IL1RAPL1: variants seen among roughly 807,000 people sequenced by gnomAD.
The protein encoded by IL1RAPL1 is interleukin 1 receptor accessory protein like 1, also known as interleukin-1 receptor accessory protein-like 1.
Under a neutral mutation model 48.4 loss-of-function variants are expected in IL1RAPL1, and 3 were observed. The ratio of observed to expected loss-of-function variants is 0.06; its 90% confidence interval spans 0.03 to 0.16. IL1RAPL1 has a LOEUF of 0.16. IL1RAPL1 is among the 10% of genes least tolerant of loss of function. IL1RAPL1 has a pLI of 1.00. For synonymous variants in IL1RAPL1, 185 were observed against 187.7 expected, an observed-to-expected ratio of 0.99 and a Z score of 0.12; for missense variants, 349 against 530.6, an observed-to-expected ratio of 0.66 and a Z score of 3.36.
At chrX:28,973,645 A>C (rs957846048) in intron 2 of IL1RAPL1, among the ~76,000 whole-genome samples, 6 of 111,442 alleles carry the variant, frequency 5.4e-5, no homozygotes, top group African/African-American at 2.0e-4. Flanking sequence ...ACTTATGATA[A>C]CTCTGTGTTT....
chrX:29,738,942 A>G (rs1387569664), intron 6 of IL1RAPL1, among the ~76,000 whole-genome samples: 1 of 112,438 alleles, frequency 8.9e-6, no homozygotes, highest in East Asian at 2.8e-4. Context: ...TTTAGGGATA[A>G]TGTTTTGGAT....
chrX:28,974,635 C>T (rs1017270526), intron 2 of IL1RAPL1, among the ~76,000 whole-genome samples: 2 of 111,683 alleles, frequency 1.8e-5, no homozygotes, highest in African/African-American at 6.5e-5. Flanking sequence ...ATCCTTAGAG[C>T]AATCCCTGTG....
At chrX:29,115,278 G>A (rs1928656109) in intron 2 of IL1RAPL1, among the ~76,000 whole-genome samples, 1 of 111,338 alleles carries the variant, frequency 9.0e-6, no homozygotes, top group African/African-American at 3.3e-5. Context: ...GTACACATTT[G>A]GAAACGTGAT....
At chrX:29,903,183 T>TGTGTGTGAGAGAGA (rs1467570277) in intron 6 of IL1RAPL1, among the ~76,000 whole-genome samples, 1 of 93,016 alleles carries the variant, frequency 1.1e-5, no homozygotes. Context: ...TGTGTGTGTG[T>TGTGTGTGAGAGAGA]GAGAGAGAGA....
rs1216949819 is a variant in IL1RAPL1, at chrX:29,100,738, A to G, written c.83-182200A>G. On this transcript the variant is annotated intron_variant, in intron 2 of 10. Transcript: ENST00000378993. ...GCCTTCTCTACTTCAAATATCTATT[A>G]GCCTTCTGTACTTCAAATATCTCAT... 3.6e-5 allele frequency among the ~76,000 whole-genome samples: 4 copies of G among 111,780 alleles called. No individual in the cohort carries two copies. The Admixed American group carries it at 3.8e-4, about 11-fold the overall frequency.
At chrX:28,962,880 G>C (rs865870438) in intron 2 of IL1RAPL1, among the ~76,000 whole-genome samples, 1 of 92,812 alleles carries the variant, frequency 1.1e-5, no homozygotes, top group African/African-American at 4.7e-5. Context: ...GTGTCTGTGT[G>C]TATGTGTGTG....
intron 6 of IL1RAPL1, among the ~76,000 whole-genome samples, chrX:29,895,498 CGCACCACT>C (rs763378423): frequency 1.8e-5 from 2 of 112,413 alleles, no homozygotes; most frequent in African/African-American, 6.5e-5. Context: ...TGAGCAAGAT[CGCACCACT>C]GCACCACTGC....
intron 5 of IL1RAPL1, among the ~76,000 whole-genome samples, chrX:29,608,592 C>G (rs758399285): frequency 0.014 from 1,527 of 110,480 alleles, 35 homozygotes; most frequent in African/African-American, 0.048. Flanking sequence ...TTTGGGAGGC[C>G]AAGGTGGGCG....
chrX:29,411,751 C>T (rs1934146760), intron 5 of IL1RAPL1, among the ~76,000 whole-genome samples: 1 of 105,501 alleles, frequency 9.5e-6, no homozygotes, highest in South Asian at 4.1e-4. Context: ...GTACTGTACA[C>T]AATTATTTAT....
intron 6 of IL1RAPL1, among the ~76,000 whole-genome samples, chrX:29,732,839 A>C (rs1258193586): frequency 8.9e-6 from 1 of 112,103 alleles, no homozygotes; most frequent in Non-Finnish European, 1.9e-5. Flanking sequence ...TCCCTTTTGC[A>C]ATGGTTGCCA....
chrX:29,682,464 C>A (rs868605154), intron 6 of IL1RAPL1, among the ~76,000 whole-genome samples: 1 of 111,222 alleles, frequency 9.0e-6, no homozygotes, highest in Non-Finnish European at 1.9e-5. Flanking sequence ...TCAATGTCAC[C>A]CCAATGAACT....
chrX:29,835,357 C>T (rs1391758336), intron 6 of IL1RAPL1, among the ~76,000 whole-genome samples: 1 of 111,719 alleles, frequency 9.0e-6, no homozygotes, highest in African/African-American at 3.3e-5. Context: ...GGGATGAATC[C>T]CACTTGATCA....
chrX:28,732,393 T>C (rs56368435), intron 1 of IL1RAPL1, among the ~76,000 whole-genome samples: 4,476 of 111,323 alleles, frequency 0.04, 217 homozygotes, highest in African/African-American at 0.14. Flanking sequence ...TCTGAAAGAG[T>C]TGGAATTTTG....
chrX:28,836,336 TTATATATA>T (rs34343530), intron 2 of IL1RAPL1, among the ~76,000 whole-genome samples: 2 of 85,317 alleles, frequency 2.3e-5, no homozygotes, highest in African/African-American at 9.4e-5. Context: ...CTTCCCAATT[TTATATATA>T]TATATATATA....
intron 1 of IL1RAPL1, among the ~76,000 whole-genome samples, chrX:28,673,726 T>G (rs763217412): frequency 8.9e-6 from 1 of 111,769 alleles, no homozygotes; most frequent in East Asian, 2.8e-4. Flanking sequence ...TGACCCTTGT[T>G]GACCCATGTC....
At chrX:29,039,785 CAAAAAA>C (rs35505034) in intron 2 of IL1RAPL1, among the ~76,000 whole-genome samples, 2 of 61,906 alleles carry the variant, frequency 3.2e-5, no homozygotes, top group Admixed American at 2.0e-4. Flanking sequence ...TAACAATCCT[CAAAAAA>C]AAAAAAAAAA....
At chrX:28,723,201 G>C (rs1166732409) in intron 1 of IL1RAPL1, among the ~76,000 whole-genome samples, 3 of 110,742 alleles carry the variant, frequency 2.7e-5, no homozygotes, top group Middle Eastern at 4.7e-3. Context: ...TGGTAGAATT[G>C]GGCTGTGAAT....
chrX:28,708,393 C>A (rs1269679988), intron 1 of IL1RAPL1, among the ~76,000 whole-genome samples: 1 of 110,860 alleles, frequency 9.0e-6, no homozygotes, highest in Non-Finnish European at 1.9e-5. Context: ...GTAGTACAGC[C>A]ACTATGGAAA....
chrX:28,931,204 G>A (rs1448955775), intron 2 of IL1RAPL1, among the ~76,000 whole-genome samples: 6 of 111,244 alleles, frequency 5.4e-5, no homozygotes, highest in Admixed American at 1.9e-4. Context: ...AACAAGTCTT[G>A]GAACCATGGG....
Sources: allele counts gnomAD v4.1 joint callset (sites outside exome capture counted in the v4.1 genomes callset), GRCh38; gene constraint gnomAD v4.1.1; transcripts MANE v1.5; gene names NCBI Gene and HGNC (gene_info 2026-07-23, HGNC 2026-07-21).